CYTH1: variants seen among roughly 807,000 people sequenced by gnomAD.
CYTH1 encodes the protein cytohesin 1, also known as cytohesin-1.
A neutral mutation model predicts 61.8 loss-of-function variants in CYTH1; 18 were observed. The ratio of observed to expected loss-of-function variants is 0.29; its 90% CI spans 0.20 to 0.43. CYTH1 has a LOEUF of 0.43. Ranked by LOEUF, CYTH1 falls within the 20% of genes least tolerant of loss-of-function variation. The pLI, the probability that CYTH1 is intolerant of heterozygous loss-of-function variation, is 1.00. For missense variants in CYTH1, 336 were observed against 510.5 expected, an observed-to-expected ratio of 0.66 and a Z score of 3.29; for synonymous variants, 174 against 184.3, an observed-to-expected ratio of 0.94 and a Z score of 0.45.
chr17:78,771,238 G>C (rs908138224), intron 1 of CYTH1, among the ~76,000 whole-genome samples: 1 of 152,052 alleles, frequency 6.6e-6, no homozygotes, highest in African/African-American at 2.4e-5. Flanking sequence ...TGCCAGCCTG[G>C]GCAATAGAGC....
intron 1 of CYTH1, among the ~76,000 whole-genome samples, chr17:78,719,646 TAACGGAAGAGAGATGTAAAGCA>T (rs747886208): frequency 6.6e-6 from 1 of 152,198 alleles, no homozygotes; most frequent in Non-Finnish European, 1.5e-5. Flanking sequence ...AGGTAAAATG[TAACGGAAGAGAGATGTAAAGCA>T]AACAGTTGTA....
intron 1 of CYTH1, among the ~76,000 whole-genome samples, chr17:78,781,883 G>A (rs1261114975): frequency 6.7e-6 from 1 of 150,258 alleles, no homozygotes; most frequent in Non-Finnish European, 1.5e-5. Context: ...CGACCCCAAC[G>A]ACCCTCATTC....
intron 1 of CYTH1, among the ~76,000 whole-genome samples, chr17:78,781,181 A>AAAAAAG (rs1555618369): frequency 0.046 from 7,012 of 150,808 alleles, 538 homozygotes; most frequent in African/African-American, 0.16. Flanking sequence ...AAAAAAAAAA[A>AAAAAAG]AAAAAGAAAA....
At chr17:78,774,428 A>T (rs1041849440) in intron 1 of CYTH1, among the ~76,000 whole-genome samples, 2 of 152,220 alleles carry the variant, frequency 1.3e-5, no homozygotes, top group African/African-American at 4.8e-5. Context: ...CGGGTTCTGC[A>T]TGGGGTCAAA....
chr17:78,695,967 T>G, intron 10 of CYTH1, 40 bp downstream of exon 10: 1 of 1,367,032 alleles, frequency 7.3e-7, no homozygotes, highest in Non-Finnish European at 9.8e-7. Context: ...GTAATGACAG[T>G]GGCCTAGCAG....
At chr17:78,690,889 C>T (rs1454156521) in intron 11 of CYTH1, among the ~76,000 whole-genome samples, 1 of 151,996 alleles carries the variant, frequency 6.6e-6, no homozygotes, top group Non-Finnish European at 1.5e-5. Context: ...CACTTAGATG[C>T]TTATGTATCA....
intron 11 of CYTH1, among the ~76,000 whole-genome samples, chr17:78,682,270 A>G (rs1304118217): frequency 6.6e-6 from 1 of 152,112 alleles, no homozygotes; most frequent in Admixed American, 6.5e-5. Context: ...CCTTTGATTT[A>G]TATTTCTGTG....
intron 1 of CYTH1, among the ~76,000 whole-genome samples, chr17:78,769,257 A>G (rs1055773469): frequency 1.3e-5 from 2 of 151,104 alleles, no homozygotes; most frequent in African/African-American, 4.9e-5. Context: ...GAAGCCCCCC[A>G]TAACTGTCCC....
intron 1 of CYTH1, among the ~76,000 whole-genome samples, chr17:78,728,503 A>G (rs2093277719): frequency 6.6e-6 from 1 of 151,936 alleles, no homozygotes; most frequent in Non-Finnish European, 1.5e-5. Context: ...AGCCAAGACC[A>G]CGCCATTGCA....
At chr17:78,694,453 T>C (rs542416688) in intron 10 of CYTH1, among the ~76,000 whole-genome samples, 5 of 152,308 alleles carry the variant, frequency 3.3e-5, no homozygotes, top group South Asian at 4.1e-4. Flanking sequence ...ATGACATGCA[T>C]GTGGAAAACA....
At chr17:78,719,431 A>T (rs2093209522) in intron 1 of CYTH1, among the ~76,000 whole-genome samples, 1 of 152,164 alleles carries the variant, frequency 6.6e-6, no homozygotes, top group Non-Finnish European at 1.5e-5. Context: ...GCAAACAAGA[A>T]AAAAAAACAG....
At chr17:78,676,512 C>T (rs1303190306) in intron 13 of CYTH1, 1 of 302,936 alleles carries the variant, frequency 3.3e-6, no homozygotes, top group Non-Finnish European at 6.3e-6. Context: ...TCCATGATGA[C>T]ATCTGACTTT....
At chr17:78,744,955 TAA>T (rs1331759964) in intron 1 of CYTH1, among the ~76,000 whole-genome samples, 4 of 150,960 alleles carry the variant, frequency 2.6e-5, no homozygotes, top group African/African-American at 7.3e-5. Flanking sequence ...AGAAAAAAAA[TAA>T]GAGAGGTATG....
intron 1 of CYTH1, among the ~76,000 whole-genome samples, chr17:78,734,366 C>T (rs1025563845): frequency 1.3e-5 from 2 of 148,676 alleles, no homozygotes; most frequent in African/African-American, 5.0e-5. Context: ...CTCACTAACA[C>T]ACATATACAG....
intron 11 of CYTH1, among the ~76,000 whole-genome samples, chr17:78,685,273 T>TA (rs1478966439): frequency 6.7e-6 from 1 of 149,594 alleles, no homozygotes; most frequent in African/African-American, 2.5e-5. Flanking sequence ...ATTTTAACAA[T>TA]ATTTCTTGAC....
At chr17:78,748,158 CAAACT>C (rs1279613031) in intron 1 of CYTH1, among the ~76,000 whole-genome samples, 2 of 152,220 alleles carry the variant, frequency 1.3e-5, no homozygotes, top group African/African-American at 4.8e-5. Flanking sequence ...ACACCGGAAA[CAAACT>C]AAAGATGCTG....
chr17:78,760,495 ATACATATATATGTATATATATG>A (rs2093422210), intron 1 of CYTH1, among the ~76,000 whole-genome samples: 1 of 49,454 alleles, frequency 2.0e-5, no homozygotes, highest in Non-Finnish European at 3.6e-5. Flanking sequence ...GTATATATAT[ATACATATATATGTATATATATG>A]TATATATATA....
In CYTH1 at chr17:78,675,644, A is replaced by G. The variant is rs2092690177; in HGVS notation, c.*447T>C. 1.2e-5 allele frequency: 4 copies of G among 327,220 alleles called. No homozygotes were observed. The highest frequency in any genetic ancestry group is 2.2e-5 in the African/African-American group (1 of 46,210). The allele number at this position is 327,220 out of a possible 1,614,324, so 20.3% of individuals were successfully genotyped here. Reference sequence around the variant, plus strand: ...TACGTTCTCTCTTAAAAAAAAAAAAATAGATCTTTATAGTATGTGGCTTCT... The same window carrying G: ...TACGTTCTCTCTTAAAAAAAAAAAAGTAGATCTTTATAGTATGTGGCTTCT... On this transcript the variant is annotated 3_prime_UTR_variant, in exon 14 of 14. Transcript: ENST00000446868.
At chr17:78,728,202 T>G (rs1274567105) in intron 1 of CYTH1, among the ~76,000 whole-genome samples, 1 of 152,066 alleles carries the variant, frequency 6.6e-6, no homozygotes, top group Non-Finnish European at 1.5e-5. Flanking sequence ...TGAGCAAAGG[T>G]AGAAAGACCC....
Sources: gnomAD v4.1 joint callset for allele counts (sites outside exome capture counted in the v4.1 genomes callset) on GRCh38, gnomAD v4.1.1 for gene constraint, MANE v1.5 for transcripts, NCBI Gene and HGNC (gene_info 2026-07-23, HGNC 2026-07-21) for gene names.